Variants in TAFA1 observed in about 807,000 individuals in gnomAD.
The protein encoded by TAFA1 is chemokine-like protein TAFA-1.
TAFA1 carries 4 observed loss-of-function variants against 18.5 expected under a neutral mutation model. The ratio of observed to expected loss-of-function variants is 0.22; its 90% CI spans 0.11 to 0.49. TAFA1 has a LOEUF of 0.49. Ranked by LOEUF, TAFA1 falls within the 20% of genes least tolerant of loss-of-function variation. The pLI is 0.98. For missense variants in TAFA1, 147 were observed against 169.0 expected (o/e 0.87, Z 0.72); for synonymous variants, 56 against 55.2 (o/e 1.01, Z -0.06).
intron 2 of TAFA1, among the ~76,000 whole-genome samples, chr3:68,253,794 G>C (rs1039007033): frequency 6.6e-6 from 1 of 152,144 alleles, no homozygotes; most frequent in African/African-American, 2.4e-5. Flanking sequence ...GTGCAATATT[G>C]AAACAGGTAG....
chr3:68,419,483 A>C (rs368316574), intron 3 of TAFA1, among the ~76,000 whole-genome samples: 1 of 152,160 alleles, frequency 6.6e-6, no homozygotes, highest in Non-Finnish European at 1.5e-5. Flanking sequence ...ACAATTTTAT[A>C]TGTTACTGTC....
chr3:68,379,092 T>G (rs2106661879), intron 2 of TAFA1, among the ~76,000 whole-genome samples: 1 of 152,342 alleles, frequency 6.6e-6, no homozygotes, highest in South Asian at 2.1e-4. Flanking sequence ...CCACATTGTC[T>G]TCCACCATGG....
intron 2 of TAFA1, among the ~76,000 whole-genome samples, chr3:68,227,099 C>G (rs1178069114): frequency 1.3e-5 from 2 of 152,118 alleles, no homozygotes; most frequent in Non-Finnish European, 2.9e-5. Context: ...AAGAGTCAAG[C>G]AGTCATTGTT....
At chr3:68,483,140 A>G (rs1223550644) in intron 3 of TAFA1, among the ~76,000 whole-genome samples, 1 of 152,232 alleles carries the variant, frequency 6.6e-6, no homozygotes, top group Non-Finnish European at 1.5e-5. Context: ...TAGCTCAGCT[A>G]TGCCACAGAA....
At chr3:68,120,376 G>A (rs911070266) in intron 2 of TAFA1, among the ~76,000 whole-genome samples, 1 of 151,682 alleles carries the variant, frequency 6.6e-6, no homozygotes, top group Non-Finnish European at 1.5e-5. Flanking sequence ...CAGCCTCCAG[G>A]TAGTTGGGAT....
chr3:68,239,254 T>A (rs937971465), intron 2 of TAFA1, among the ~76,000 whole-genome samples: 1 of 152,146 alleles, frequency 6.6e-6, no homozygotes, highest in East Asian at 1.9e-4. Flanking sequence ...TGGAAGAAAG[T>A]AAGAACTAAC....
chr3:68,087,732 A>C (rs1313286831), intron 2 of TAFA1, among the ~76,000 whole-genome samples: 1 of 152,098 alleles, frequency 6.6e-6, no homozygotes, highest in Non-Finnish European at 1.5e-5. Flanking sequence ...TTTTTAAATG[A>C]AGCAACATAC....
At chr3:68,380,539 T>C (rs900065289) in intron 2 of TAFA1, among the ~76,000 whole-genome samples, 6 of 152,214 alleles carry the variant, frequency 3.9e-5, no homozygotes, top group African/African-American at 1.4e-4. Context: ...CATTTTTTCA[T>C]GTGTTTTTTT....
intron 2 of TAFA1, among the ~76,000 whole-genome samples, chr3:68,178,951 C>T (rs996850645): frequency 1.3e-5 from 2 of 152,180 alleles, no homozygotes; most frequent in African/African-American, 4.8e-5. Flanking sequence ...CCCAAACACA[C>T]GTCTGGGGCT....
chr3:68,022,484 G>T (rs551128943), intron 2 of TAFA1, among the ~76,000 whole-genome samples: 3 of 152,106 alleles, frequency 2.0e-5, no homozygotes, highest in South Asian at 2.1e-4. Context: ...GGCTGTTGGT[G>T]GGGGGAAGGG....
intron 2 of TAFA1, among the ~76,000 whole-genome samples, chr3:68,293,799 C>G (rs1428554172): frequency 6.6e-6 from 1 of 152,070 alleles, no homozygotes; most frequent in African/African-American, 2.4e-5. Context: ...ATTTCCAGGT[C>G]GAGAACTGTG....
intron 2 of TAFA1, among the ~76,000 whole-genome samples, chr3:68,190,578 C>T (rs1056418287): frequency 6.6e-6 from 1 of 151,828 alleles, no homozygotes; most frequent in Non-Finnish European, 1.5e-5. Flanking sequence ...GTTCCTCAGT[C>T]TTCCTGTTTT....
chr3:68,187,786 G>T (rs1446363399), intron 2 of TAFA1, among the ~76,000 whole-genome samples: 1 of 151,944 alleles, frequency 6.6e-6, no homozygotes. Context: ...CAGAAGCAAT[G>T]TATGATCATC....
intron 2 of TAFA1, among the ~76,000 whole-genome samples, chr3:68,177,414 A>G (rs1220850525): frequency 2.0e-5 from 3 of 152,172 alleles, no homozygotes; most frequent in South Asian, 2.1e-4. Context: ...AAGTCCTGGA[A>G]TTCTGTGCTT....
Position 68,544,719 on chromosome 3 carries a change from G to A in TAFA1, c.*216G>A. On this transcript the variant is annotated 3_prime_UTR_variant, in exon 5 of 5. Transcript: ENST00000478136. ...ACCATGGAAAGTGGGCTTAAAAAAG[G>A]GTTTTCTCAGTGAAATTTTTGGGCA... is the stretch of plus-strand genomic sequence containing the variant. 1 of 444,076 alleles carries A rather than the reference G, an allele frequency of 2.3e-6. No homozygotes were observed. Among genetic ancestry groups the A allele is most frequent in the Non-Finnish European group, 4.0e-6 (1 of 250,134 alleles). 27.5% of individuals were successfully genotyped at this position (444,076 alleles called of 1,614,324 possible).
At chr3:67,999,272 C>CA (rs746150084), upstream of TAFA1, among the ~76,000 whole-genome samples, 1 of 17,152 alleles carries the variant, frequency 5.8e-5, no homozygotes, top group Non-Finnish European at 1.9e-4. Flanking sequence ...CTCTATCCCC[C>CA]CCCCCCCCCT....
chr3:68,245,233 G>A (rs560371271), intron 2 of TAFA1, among the ~76,000 whole-genome samples: 3 of 152,270 alleles, frequency 2.0e-5, no homozygotes, highest in Admixed American at 6.5e-5. Flanking sequence ...ACACTTTGTC[G>A]TGCCAGTAGT....
intron 2 of TAFA1, among the ~76,000 whole-genome samples, chr3:68,161,693 A>T (rs2065926557): frequency 6.6e-6 from 1 of 152,246 alleles, no homozygotes; most frequent in Non-Finnish European, 1.5e-5. Context: ...AGATCTTGAT[A>T]GCAAAGCTAA....
At chr3:68,293,829 T>C (rs1257143145) in intron 2 of TAFA1, among the ~76,000 whole-genome samples, 1 of 152,154 alleles carries the variant, frequency 6.6e-6, no homozygotes, top group South Asian at 2.1e-4. Flanking sequence ...GCCCTTTTGA[T>C]TTCATTTTGA....
Sources: allele counts gnomAD v4.1 joint callset (sites outside exome capture counted in the v4.1 genomes callset), GRCh38; gene constraint gnomAD v4.1.1; transcripts MANE v1.5; gene names NCBI Gene and HGNC (gene_info 2026-07-23, HGNC 2026-07-21).